The following RBFOX1 variants were observed in gnomAD, a reference collection of about 807,000 sequenced individuals.
RBFOX1 encodes RNA binding protein fox-1 homolog 1.
Under a neutral mutation model 57.7 loss-of-function variants are expected in RBFOX1, and 8 were observed. The observed-to-expected ratio is 0.14, with a 90% CI of 0.08 to 0.25. The LOEUF (loss-of-function observed/expected upper bound fraction) is 0.25. RBFOX1 is among the 10% of genes least tolerant of loss of function. The pLI, the probability that RBFOX1 is intolerant of heterozygous loss-of-function variation, is 1.00. For synonymous variants in RBFOX1, 326 were observed against 222.4 expected (o/e 1.47, Z -4.15); for missense variants, 611 against 548.5 (o/e 1.11, Z -1.14).
chr16:6,060,417 G>A (rs1041184891), intron 1 of RBFOX1, among the ~76,000 whole-genome samples: 10 of 152,072 alleles, frequency 6.6e-5, no homozygotes, highest in African/African-American at 2.4e-4. Context: ...TTCTAGAAGG[G>A]TTAGCTGTAA....
chr16:6,539,443 C>G (rs552444994), intron 2 of RBFOX1, among the ~76,000 whole-genome samples: 4 of 152,174 alleles, frequency 2.6e-5, no homozygotes, highest in African/African-American at 4.8e-5. Flanking sequence ...ATGGTTACTT[C>G]TGTCCTAGTT....
chr16:7,360,597 C>G (rs1447068668), intron 4 of RBFOX1, among the ~76,000 whole-genome samples: 1 of 152,164 alleles, frequency 6.6e-6, no homozygotes, highest in African/African-American at 2.4e-5. Flanking sequence ...AAGGACGTTT[C>G]CTGTAGGCCA....
intron 1 of RBFOX1, among the ~76,000 whole-genome samples, chr16:6,145,167 C>T (rs560558767): frequency 5.3e-5 from 8 of 152,134 alleles, no homozygotes; most frequent in African/African-American, 1.7e-4. Flanking sequence ...AGTTATATTT[C>T]CTGATCCTCT....
chr16:7,048,214 T>C (rs1297107191), intron 3 of RBFOX1, among the ~76,000 whole-genome samples: 1 of 151,562 alleles, frequency 6.6e-6, no homozygotes, highest in Non-Finnish European at 1.5e-5. Context: ...AAAAATTTAG[T>C]TATTTTTATG....
intron 3 of RBFOX1, among the ~76,000 whole-genome samples, chr16:6,670,799 C>A (rs2098759427): frequency 6.6e-6 from 1 of 152,020 alleles, no homozygotes; most frequent in South Asian, 2.1e-4. Flanking sequence ...AGATCGAGAC[C>A]ATCCTAGCTA....
At chr16:5,862,747 T>C (rs1197040855) in intron 3 of RBFOX1, among the ~76,000 whole-genome samples, 1 of 152,186 alleles carries the variant, frequency 6.6e-6, no homozygotes, top group Non-Finnish European at 1.5e-5. Flanking sequence ...TGAGCCATTT[T>C]GAGTTGTTTT....
chr16:7,033,054 G>A (rs963236033), intron 3 of RBFOX1, among the ~76,000 whole-genome samples: 1 of 152,128 alleles, frequency 6.6e-6, no homozygotes, highest in African/African-American at 2.4e-5. Context: ...CACTAGCCCT[G>A]TCTTCAGAAG....
chr16:6,605,262 A>T (rs1479712359), intron 2 of RBFOX1, among the ~76,000 whole-genome samples: 1 of 131,940 alleles, frequency 7.6e-6, no homozygotes, highest in East Asian at 2.0e-4. Context: ...AATGAAACCA[A>T]CACATACAAT....
At chr16:6,741,668 C>CAA (rs200438730) in intron 3 of RBFOX1, among the ~76,000 whole-genome samples, 7 of 85,726 alleles carry the variant, frequency 8.2e-5, no homozygotes, top group African/African-American at 1.3e-4. Context: ...GACTCAGTCT[C>CAA]AAAAAAAAAA....
chr16:6,067,709 C>T (rs764868300), intron 1 of RBFOX1, among the ~76,000 whole-genome samples: 2 of 152,062 alleles, frequency 1.3e-5, no homozygotes, highest in Non-Finnish European at 2.9e-5. Flanking sequence ...TCCATTAAAA[C>T]CAATTTGAGG....
intron 2 of RBFOX1, among the ~76,000 whole-genome samples, chr16:6,597,766 C>T (rs1351362116): frequency 6.6e-6 from 1 of 152,116 alleles, no homozygotes; most frequent in African/African-American, 2.4e-5. Flanking sequence ...GATTTTCTTC[C>T]AGTTTAAAAG....
At chr16:6,246,352 G>A (rs1434247519) in intron 1 of RBFOX1, among the ~76,000 whole-genome samples, 1 of 152,180 alleles carries the variant, frequency 6.6e-6, no homozygotes, top group Non-Finnish European at 1.5e-5. Flanking sequence ...CCAAGGAAGA[G>A]TGAGCAGGCA....
At chr16:6,858,359 G>A (rs117628134) in intron 3 of RBFOX1, among the ~76,000 whole-genome samples, 1,787 of 152,284 alleles carry the variant, frequency 0.012, 20 homozygotes, top group Non-Finnish European at 0.019. Context: ...AAAAAGCAGA[G>A]CAGATTCGTG....
intron 10 of RBFOX1, among the ~76,000 whole-genome samples, chr16:7,610,549 T>G (rs1050330403): frequency 1.3e-5 from 2 of 152,146 alleles, no homozygotes; most frequent in African/African-American, 4.8e-5. Flanking sequence ...ACATGACAAA[T>G]CTGAGTATCT....
chr16:6,627,173 A>G (rs748624061), intron 2 of RBFOX1, among the ~76,000 whole-genome samples: 4 of 152,144 alleles, frequency 2.6e-5, no homozygotes, highest in Admixed American at 6.5e-5. Flanking sequence ...TCCTACAACC[A>G]TATCTAGATC....
chr16:6,571,946 A>G (rs2097350481), intron 2 of RBFOX1, among the ~76,000 whole-genome samples: 1 of 152,184 alleles, frequency 6.6e-6, no homozygotes, highest in African/African-American at 2.4e-5. Flanking sequence ...ATCATTTTAT[A>G]TACAGTTGTA....
intron 2 of RBFOX1, among the ~76,000 whole-genome samples, chr16:6,602,226 G>C (rs1409808135): frequency 6.6e-6 from 1 of 152,058 alleles, no homozygotes; most frequent in Non-Finnish European, 1.5e-5. Flanking sequence ...ATTCATTCCT[G>C]ATAAGATAGA....
chr16:6,981,674 TC>T (rs1260159072), intron 3 of RBFOX1, among the ~76,000 whole-genome samples: 2 of 152,136 alleles, frequency 1.3e-5, no homozygotes, highest in African/African-American at 4.8e-5. Context: ...GTAGAGGAAC[TC>T]CCTTTTATAA....
intron 4 of RBFOX1, among the ~76,000 whole-genome samples, chr16:5,981,784 A>G (rs1180571203): frequency 3.9e-5 from 6 of 152,072 alleles, no homozygotes; most frequent in African/African-American, 1.4e-4. Context: ...ATGTTTTAAA[A>G]CGGTGGTCCT....
Sources: allele counts gnomAD v4.1 joint callset (sites outside exome capture counted in the v4.1 genomes callset), GRCh38; gene constraint gnomAD v4.1.1; transcripts MANE v1.5; gene names NCBI Gene and HGNC (gene_info 2026-07-23, HGNC 2026-07-21).